DLGAP1: variants seen among roughly 807,000 people sequenced by gnomAD.
DLGAP1 encodes DLG associated protein 1.
DLGAP1 carries 11 observed loss-of-function variants against 90.8 expected under a neutral mutation model. That is an observed-to-expected ratio of 0.12 (90% CI 0.08 to 0.20). The LOEUF (loss-of-function observed/expected upper bound fraction) is 0.20. Ranked by LOEUF, DLGAP1 falls within the 10% of genes least tolerant of loss-of-function variation. The pLI, the probability that DLGAP1 is intolerant of heterozygous loss-of-function variation, is 1.00. For missense variants in DLGAP1, 1,050 were observed against 1,333.8 expected (o/e 0.79, Z 3.31); for synonymous variants, 558 against 540.7 (o/e 1.03, Z -0.44).
chr18:3,673,094 C>T (rs1057182614), intron 7 of DLGAP1, among the ~76,000 whole-genome samples: 4 of 152,160 alleles, frequency 2.6e-5, no homozygotes, highest in African/African-American at 7.2e-5. Flanking sequence ...CTCTGTCTTC[C>T]GTGGTTCCCC....
chr18:4,269,374 G>C, intron 1 of DLGAP1, among the ~76,000 whole-genome samples: 1 of 119,684 alleles, frequency 8.4e-6, no homozygotes, highest in African/African-American at 2.9e-5. Flanking sequence ...TTCTTTTTGA[G>C]ACGGAGTCTT....
chr18:3,906,383 T>C (rs1489123764), intron 3 of DLGAP1, among the ~76,000 whole-genome samples: 8 of 152,172 alleles, frequency 5.3e-5, no homozygotes, highest in Non-Finnish European at 8.8e-5. Context: ...TCTCTCAGTA[T>C]AGTTGAAGTC....
At chr18:3,932,491 C>A (rs1442387) in intron 3 of DLGAP1, among the ~76,000 whole-genome samples, 2,208 of 152,322 alleles carry the variant, frequency 0.014, 128 homozygotes, top group Admixed American at 0.1. Flanking sequence ...AATACCCTTG[C>A]GGGGGAGCCT....
intron 10 of DLGAP1, among the ~76,000 whole-genome samples, chr18:3,528,441 G>A (rs1207925897): frequency 6.6e-6 from 1 of 152,180 alleles, no homozygotes; most frequent in African/African-American, 2.4e-5. Context: ...GCTTGCCAAG[G>A]AGTCAGGGAC....
At position 4,418,981 on chromosome 18, in the gene DLGAP1, C is replaced by T. The variant is rs115345643; in HGVS notation, c.-267+36025G>A. 7.5e-3 allele frequency among the ~76,000 whole-genome samples: 1,144 copies of T among 152,020 alleles called. 18 individuals carry two copies. Among genetic ancestry groups the T allele is most frequent in the African/African-American group, 0.026 (1,091 of 41,450 alleles). On this transcript the variant is annotated intron_variant, in intron 1 of 12. Coordinates refer to ENST00000315677, the MANE Select transcript of DLGAP1 (RefSeq NM_004746.4). ...GACAAAGAGGAAATCTTGGAGGCAA[C>T]TATAGAAAAAGATACATTACATGCT...
intron 5 of DLGAP1, among the ~76,000 whole-genome samples, chr18:3,799,856 C>G (rs2066205523): frequency 6.6e-6 from 1 of 152,156 alleles, no homozygotes; most frequent in African/African-American, 2.4e-5. Context: ...TTCTTTAAGA[C>G]AGCCAAGGAA....
At chr18:4,121,587 C>G (rs1028255143) in intron 2 of DLGAP1, among the ~76,000 whole-genome samples, 10 of 151,966 alleles carry the variant, frequency 6.6e-5, no homozygotes, top group Admixed American at 2.0e-4. Context: ...GTCAATTTAG[C>G]CAGAATCCCC....
intron 10 of DLGAP1, among the ~76,000 whole-genome samples, chr18:3,511,232 G>C (rs1303530062): frequency 6.6e-6 from 1 of 152,172 alleles, no homozygotes; most frequent in Non-Finnish European, 1.5e-5. Flanking sequence ...TTCTTTTCCG[G>C]AGAACTAAAA....
intron 3 of DLGAP1, chr18:3,993,121 G>A (rs1460960948): frequency 6.6e-6 from 1 of 150,794 alleles, no homozygotes; most frequent in Admixed American, 6.6e-5. Context: ...CAGAAGACAA[G>A]CAGATGAGGA....
In DLGAP1 at chr18:3,815,383, C is replaced by T. The variant is rs76831706; in HGVS notation, c.958-1110G>A. Among the ~76,000 whole-genome samples, 356 of 82,060 alleles carry T rather than the reference C, an allele frequency of 4.3e-3. 5 individuals carry two copies. In the East Asian group the frequency reaches 0.07, roughly 16 times the overall value. The allele number at this position is 82,060 out of a possible 152,430, so 53.8% of individuals were successfully genotyped here. On this transcript the variant is annotated intron_variant, in intron 4 of 12. Coordinates refer to ENST00000315677, the MANE Select transcript of DLGAP1 (RefSeq NM_004746.4). ...AATGGAAGATAATGGCATTTTCTTG[C>T]TTTTATTTTTTCTTGGCCTCTGCAC...
chr18:3,599,954 C>G (rs1159252367), intron 7 of DLGAP1, among the ~76,000 whole-genome samples: 1 of 151,032 alleles, frequency 6.6e-6, no homozygotes, highest in Non-Finnish European at 1.5e-5. Flanking sequence ...GGGTCTCGCT[C>G]TGTTGCCAGG....
chr18:4,325,369 C>T (rs1343424485), intron 1 of DLGAP1, among the ~76,000 whole-genome samples: 1 of 151,918 alleles, frequency 6.6e-6, no homozygotes, highest in South Asian at 2.1e-4. Flanking sequence ...ATGATACAAA[C>T]AAATGAAAAA....
At chr18:3,597,652 C>A in intron 7 of DLGAP1, 1 of 210,062 alleles carries the variant, frequency 4.8e-6, no homozygotes, top group Non-Finnish European at 9.6e-6. Context: ...CTGCCACTGC[C>A]CTAGGAACAG....
At chr18:3,813,956 G>A (rs935242272) in intron 5 of DLGAP1, 103 bp downstream of exon 5, 1 of 1,127,172 alleles carries the variant, frequency 8.9e-7, no homozygotes, top group African/African-American at 1.5e-5. Flanking sequence ...TGCTCCACCT[G>A]TAGGATGTTT....
intron 1 of DLGAP1, among the ~76,000 whole-genome samples, chr18:4,439,965 A>G (rs1203449608): frequency 6.6e-6 from 1 of 151,642 alleles, no homozygotes; most frequent in Non-Finnish European, 1.5e-5. Context: ...CTAAAAATAC[A>G]AAAAATTAGC....
chr18:4,435,765 C>A (rs986482732), intron 1 of DLGAP1, among the ~76,000 whole-genome samples: 2 of 152,200 alleles, frequency 1.3e-5, no homozygotes, highest in African/African-American at 2.4e-5. Flanking sequence ...CTTCTGAATT[C>A]TTTCTTTCAC....
At chr18:3,686,452 A>AG (rs2060706206) in intron 7 of DLGAP1, among the ~76,000 whole-genome samples, 1 of 152,236 alleles carries the variant, frequency 6.6e-6, no homozygotes, top group Non-Finnish European at 1.5e-5. Flanking sequence ...TTATGATAAT[A>AG]ATAAATATTG....
At chr18:4,090,449 T>C (rs1268516054) in intron 2 of DLGAP1, among the ~76,000 whole-genome samples, 1 of 152,230 alleles carries the variant, frequency 6.6e-6, no homozygotes, top group Non-Finnish European at 1.5e-5. Context: ...GTACAGACAC[T>C]TCTTCAAAGA....
At chr18:4,087,411 A>G (rs2075703220) in intron 2 of DLGAP1, among the ~76,000 whole-genome samples, 1 of 152,212 alleles carries the variant, frequency 6.6e-6, no homozygotes, top group South Asian at 2.1e-4. Flanking sequence ...ACCACAAACA[A>G]TAGCATGAGC....
Sources: gnomAD v4.1 joint callset for allele counts (sites outside exome capture counted in the v4.1 genomes callset) on GRCh38, gnomAD v4.1.1 for gene constraint, MANE v1.5 for transcripts, NCBI Gene and HGNC (gene_info 2026-07-23, HGNC 2026-07-21) for gene names.